The following ITGA1 variants were observed in gnomAD, a reference collection of about 807,000 sequenced individuals.
ITGA1 encodes the protein integrin alpha-1.
ITGA1 carries 85 observed loss-of-function variants against 145.9 expected under a neutral mutation model. The ratio of observed to expected loss-of-function variants is 0.58; its 90% CI spans 0.49 to 0.70. ITGA1 has a LOEUF of 0.70. Among genes scored for constraint, ITGA1 ranks in the 30% least tolerant of loss-of-function variants. The pLI, the probability that ITGA1 is intolerant of heterozygous loss-of-function variation, is 0.00. For synonymous variants in ITGA1, 520 were observed against 495.3 expected (o/e 1.05, Z -0.66); for missense variants, 1,351 against 1,418.7 (o/e 0.95, Z 0.77).
Position 52,957,634 on chromosome 5 carries a change from T to C in ITGA1, c.*5183T>C, listed in dbSNP as rs1751323339. The stretch of plus-strand genomic sequence containing the variant: ...CCTTCTGCCTTCCAGTTGGCTTCTC[T>C]TCTCAGCTGCGTGGTGGGGATGATT... On this transcript the variant is annotated 3_prime_UTR_variant, in exon 29 of 29. Transcript: ENST00000282588. 1 of 152,298 alleles carries C rather than the reference T, an allele frequency of 6.6e-6. No homozygotes were observed. Among genetic ancestry groups the C allele is most frequent in the Non-Finnish European group, 1.5e-5 (1 of 68,130 alleles). 9.4% of individuals were successfully genotyped at this position (152,298 alleles called of 1,614,324 possible). A position where few individuals can be genotyped will look rare whatever the true frequency, so the allele number is the denominator to read the frequency against.
Position 52,835,673 on chromosome 5 carries a change from G to A in ITGA1, c.62-13692G>A, listed in dbSNP as rs1260470980. Among the ~76,000 whole-genome samples, 3 of 152,110 alleles carry A rather than the reference G, an allele frequency of 2.0e-5. No homozygotes were observed. In the East Asian group the frequency reaches 5.8e-4, roughly 29 times the overall value. On this transcript the variant is annotated intron_variant, in intron 1 of 28. Coordinates refer to ENST00000282588, the MANE Select transcript of ITGA1 (RefSeq NM_181501.2). ...ATAGATGTGTGTGTGTATATATTTT[G>A]ATACAAGAAACCCTTCTGAAGAAAT...
At position 52,939,828 on chromosome 5, in the gene ITGA1, A is replaced by G. The variant is rs745514683; in HGVS notation, c.3181-12A>G. ...CAAGAATACTGATATGTATCTCTGG[A>G]CATTTAAACAGGACTGCAATACATG... On this transcript the variant is annotated splice_polypyrimidine_tract_variant and intron_variant, in intron 25 of 28. Transcript: ENST00000282588. The G allele has an allele frequency of 3.2e-6, 5 of 1,552,092 alleles. No individual in the cohort carries two copies. In the Admixed American group the frequency reaches 6.7e-5, roughly 21 times the overall value.
At chr5:52,822,212 A>T (rs1290725839) in intron 1 of ITGA1, among the ~76,000 whole-genome samples, 1 of 152,230 alleles carries the variant, frequency 6.6e-6, no homozygotes, top group Non-Finnish European at 1.5e-5. Context: ...AAGGATCATT[A>T]TTAACATTTC....
At chr5:52,933,130 G>T (rs916554833) in intron 22 of ITGA1, 2 of 151,742 alleles carry the variant, frequency 1.3e-5, no homozygotes, top group African/African-American at 4.8e-5. Context: ...TCTTTTTTTT[G>T]TATTGGGAAC....
At position 52,954,673 on chromosome 5, in the gene ITGA1, CA is replaced by C. The variant is rs574599699; in HGVS notation, c.*2227del. 1.3e-3 allele frequency: 194 copies of C among 151,776 alleles called. No homozygotes were observed. Among genetic ancestry groups the C allele is most frequent in the African/African-American group, 4.5e-3 (188 of 41,398 alleles). 9.4% of individuals were successfully genotyped at this position (151,776 alleles called of 1,614,324 possible). Reference sequence around the variant, plus strand: ...CACATGTACACATATAAATTGAATACAAAAATAGCTCTATAACACCAAAAAA... The same window carrying C: ...CACATGTACACATATAAATTGAATACAAAATAGCTCTATAACACCAAAAAA... On this transcript the variant is annotated 3_prime_UTR_variant, in exon 29 of 29. Transcript: ENST00000282588.
In ITGA1 at chr5:52,947,403, T is replaced by G; in HGVS notation, c.3437T>G (p.Leu1146Arg). 6.2e-7 allele frequency: 1 copy of G among 1,613,818 alleles called. No individual in the cohort carries two copies. Among genetic ancestry groups the G allele is most frequent in the Non-Finnish European group, 8.5e-7 (1 of 1,179,720 alleles). Residue 1146 changes from leucine (L) to arginine (R), a missense_variant, in exon 28 of 29, where the codon CTG (leucine) becomes CGG (arginine). By Grantham distance (102) the Leu-to-Arg change is moderately radical. Coordinates refer to ENST00000282588, the MANE Select transcript of ITGA1 (RefSeq NM_181501.2). Reference sequence around the variant, plus strand: ...GGCAGAGTGCCATTATGGGTCATCCTGCTGAGTGCTTTTGCCGGATTGTTG... The same window carrying G: ...GGCAGAGTGCCATTATGGGTCATCCGGCTGAGTGCTTTTGCCGGATTGTTG... The part of the protein sequence containing the change: ...LPGRVPLWVI[L>R]LSAFAGLLLL...
chr5:52,911,567 A>C lies in ITGA1; in HGVS notation c.1857+1148A>C, dbSNP rs1347431809. On this transcript the variant is annotated intron_variant, in intron 14 of 28. Coordinates refer to ENST00000282588, the MANE Select transcript of ITGA1 (RefSeq NM_181501.2). ...ATATACTATATATAGTGTATCTACTATATATACTATATATATAGTGTATCT... is the reference window on the plus strand; with the variant it reads ...ATATACTATATATAGTGTATCTACTCTATATACTATATATATAGTGTATCT... 3.5e-4 allele frequency among the ~76,000 whole-genome samples: 19 copies of C among 55,070 alleles called. 2 individuals carry two copies. Among genetic ancestry groups the C allele is most frequent in the Non-Finnish European group, 3.5e-4 (8 of 22,950 alleles). 36.1% of individuals were successfully genotyped at this position (55,070 alleles called of 152,430 possible). A position where few individuals can be genotyped will look rare whatever the true frequency, so the allele number is the denominator to read the frequency against.
intron 1 of ITGA1, among the ~76,000 whole-genome samples, chr5:52,833,777 T>C (rs915456495): frequency 6.6e-6 from 1 of 152,180 alleles, no homozygotes; most frequent in Non-Finnish European, 1.5e-5. Context: ...AATTAAAATA[T>C]AACTCCATAA....
rs140694770 is a variant in ITGA1, at chr5:52,811,335, TCTTGA to T, written c.61+22925_61+22929del. 5.2e-3 allele frequency among the ~76,000 whole-genome samples: 788 copies of T among 152,330 alleles called. 5 individuals carry two copies. The highest frequency in any genetic ancestry group is 0.018 in the African/African-American group (756 of 41,566). On this transcript the variant is annotated intron_variant, in intron 1 of 28. Coordinates refer to ENST00000282588, the MANE Select transcript of ITGA1 (RefSeq NM_181501.2). ...TGCAGAATGAGCAAAGAAGGGTGGCTCTTGACTTCATAATCTCTCTTGCAGATATC... is the reference window on the plus strand; with the variant it reads ...TGCAGAATGAGCAAAGAAGGGTGGCTCTTCATAATCTCTCTTGCAGATATC...
At chr5:52,941,071 G>A (rs1376820040) in intron 26 of ITGA1, among the ~76,000 whole-genome samples, 1 of 152,098 alleles carries the variant, frequency 6.6e-6, no homozygotes, top group Non-Finnish European at 1.5e-5. Flanking sequence ...TAGGATTATG[G>A]CCTCCATCTG....
At chr5:52,849,240 T>C in intron 1 of ITGA1, 125 bp from the exon 2 acceptor site, 2 of 787,834 alleles carry the variant, frequency 2.5e-6, no homozygotes, top group Non-Finnish European at 3.8e-6. Flanking sequence ...GTTTTCATTC[T>C]TTGAGCTTCT....
At chr5:52,849,339 A>G in intron 1 of ITGA1, 26 bp from the exon 2 acceptor site, 2 of 1,579,620 alleles carry the variant, frequency 1.3e-6, no homozygotes, top group Non-Finnish European at 1.7e-6. Flanking sequence ...AACTCTATGT[A>G]ACTGGATTTT....
intron 1 of ITGA1, chr5:52,824,669 C>T (rs781476577): frequency 1.3e-5 from 2 of 152,102 alleles, no homozygotes; most frequent in East Asian, 1.9e-4. Flanking sequence ...AGGCAGCAAG[C>T]CCAAGCTGCA....
At chr5:52,835,116 T>C (rs1430401033) in intron 1 of ITGA1, among the ~76,000 whole-genome samples, 1 of 152,212 alleles carries the variant, frequency 6.6e-6, no homozygotes, top group Non-Finnish European at 1.5e-5. Flanking sequence ...CTATGCTATC[T>C]ACCTGTTGTC....
At chr5:52,795,669 T>C (rs377445922) in intron 1 of ITGA1, among the ~76,000 whole-genome samples, 1 of 151,944 alleles carries the variant, frequency 6.6e-6, no homozygotes, top group African/African-American at 2.4e-5. Context: ...TGAATAATTA[T>C]GATCATGTTA....
chr5:52,806,191 A>G (rs1748585126), intron 1 of ITGA1, among the ~76,000 whole-genome samples: 1 of 146,518 alleles, frequency 6.8e-6, no homozygotes, highest in African/African-American at 2.6e-5. Context: ...ATCTCTCATG[A>G]ATTGAATTGA....
chr5:52,840,229 C>A (rs1749230582), intron 1 of ITGA1, among the ~76,000 whole-genome samples: 1 of 152,130 alleles, frequency 6.6e-6, no homozygotes, highest in African/African-American at 2.4e-5. Context: ...TATTCAGATT[C>A]TTATACATGC....
At chr5:52,889,290 T>A (rs1354328664) in intron 8 of ITGA1, among the ~76,000 whole-genome samples, 1 of 152,034 alleles carries the variant, frequency 6.6e-6, no homozygotes, top group Non-Finnish European at 1.5e-5. Context: ...TTAGTAGAGA[T>A]GGGGTTTCAC....
intron 12 of ITGA1, among the ~76,000 whole-genome samples, chr5:52,906,185 C>A (rs1750402692): frequency 1.3e-5 from 2 of 152,074 alleles, no homozygotes; most frequent in Non-Finnish European, 2.9e-5. Context: ...CATGAAATTA[C>A]CAGTGGCCCA....
Sources: gnomAD v4.1 joint callset for allele counts (sites outside exome capture counted in the v4.1 genomes callset) on GRCh38, gnomAD v4.1.1 for gene constraint, MANE v1.5 for transcripts, NCBI Gene and HGNC (gene_info 2026-07-23, HGNC 2026-07-21) for gene names.